Variants in KCTD1 observed in about 807,000 individuals in gnomAD.
KCTD1 encodes BTB/POZ domain-containing protein KCTD1.
Under a neutral mutation model 66.0 loss-of-function variants are expected in KCTD1, and 24 were observed. The observed-to-expected ratio is 0.36, with a 90% CI of 0.26 to 0.51. The LOEUF (loss-of-function observed/expected upper bound fraction) is 0.51, where lower values mean the gene tolerates loss of function less well. Among genes scored for constraint, KCTD1 ranks in the 20% least tolerant of loss-of-function variants. The pLI is 0.95. For missense variants in KCTD1, 943 were observed against 1,205.2 expected (o/e 0.78, Z 3.22); for synonymous variants, 511 against 517.2 (o/e 0.99, Z 0.16).
In KCTD1 at chr18:26,455,651, T is replaced by C; in HGVS notation, c.*92A>G. On this transcript the variant is annotated 3_prime_UTR_variant, in exon 5 of 5. Transcript: ENST00000580059. Reference sequence around the variant, plus strand: ...TTTATTCGATTTTACGTCCAGGACTTGGTTTGCTGTCCCAACTGCACATAA... The same window carrying C: ...TTTATTCGATTTTACGTCCAGGACTCGGTTTGCTGTCCCAACTGCACATAA... The C allele has an allele frequency of 4.6e-6, 7 of 1,527,416 alleles. No individual in the cohort carries two copies. Among genetic ancestry groups the C allele is most frequent in the Non-Finnish European group, 6.3e-6 (7 of 1,111,930 alleles). 94.6% of individuals were successfully genotyped at this position (1,527,416 alleles called of 1,614,324 possible).
intron 1 of KCTD1, among the ~76,000 whole-genome samples, chr18:26,594,008 T>C (rs1986709964): frequency 6.6e-6 from 1 of 152,118 alleles, no homozygotes; most frequent in Non-Finnish European, 1.5e-5. Flanking sequence ...TTAGAGGAAA[T>C]ACCCCAACCC....
chr18:26,558,922 C>CA (rs1337346792), intron 1 of KCTD1, among the ~76,000 whole-genome samples: 1 of 147,780 alleles, frequency 6.8e-6, no homozygotes, highest in African/African-American at 2.5e-5. Context: ...GACTCCGTCT[C>CA]AAAAAGAAGC....
upstream of KCTD1, among the ~76,000 whole-genome samples, chr18:26,550,519 G>A (rs1985513684): frequency 1.3e-5 from 2 of 150,504 alleles, no homozygotes; most frequent in South Asian, 4.2e-4. The surrounding 1 kb of genome is among the most constrained non-coding windows in gnomAD (Gnocchi z 5.4). Flanking sequence ...GCAAGTCCCT[G>A]CCTCGCGGGC....
chr18:26,454,985 A>G lies in KCTD1; in HGVS notation c.*758T>C, dbSNP rs1979971696. 1 of 152,686 alleles carries G rather than the reference A, an allele frequency of 6.5e-6. No homozygotes were observed. The highest frequency in any genetic ancestry group is 1.5e-5 in the Non-Finnish European group (1 of 68,050). The allele number at this position is 152,686 out of a possible 1,614,324, so 9.5% of individuals were successfully genotyped here. On this transcript the variant is annotated 3_prime_UTR_variant, in exon 5 of 5. Transcript: ENST00000580059. ...GTTTCACACAGACCTTATTTTTTAA[A>G]CAGAGTTTATTGTATTTAATACATT...
chr18:26,506,888 AGGCGTGGT>A (rs1983066488), intron 1 of KCTD1, among the ~76,000 whole-genome samples: 1 of 152,198 alleles, frequency 6.6e-6, no homozygotes, highest in Non-Finnish European at 1.5e-5. Flanking sequence ...AATTTAGGCC[AGGCGTGGT>A]GGCTCACGCC....
chr18:26,544,787 A>G (rs1367638860), intron 1 of KCTD1: 1 of 152,226 alleles, frequency 6.6e-6, no homozygotes. Flanking sequence ...ATAAGTGAAA[A>G]GCTGACTACT....
intron 1 of KCTD1, among the ~76,000 whole-genome samples, chr18:26,650,681 A>G (rs1988014217): frequency 6.6e-6 from 1 of 152,234 alleles, no homozygotes; most frequent in African/African-American, 2.4e-5. Context: ...GAGAAGGATC[A>G]GTACCATGGA....
chr18:26,481,519 C>G (rs1981647227), intron 2 of KCTD1, among the ~76,000 whole-genome samples: 1 of 152,132 alleles, frequency 6.6e-6, no homozygotes, highest in Non-Finnish European at 1.5e-5. Flanking sequence ...CGTAAAAAGC[C>G]ATGTGAGCCG....
At chr18:26,506,001 G>T (rs1043329665) in intron 1 of KCTD1, among the ~76,000 whole-genome samples, 8 of 151,524 alleles carry the variant, frequency 5.3e-5, no homozygotes, top group Non-Finnish European at 1.0e-4. Context: ...TCAGCCTCCC[G>T]AGTAGCTGGG....
intron 1 of KCTD1, 28 bp downstream of exon 1, chr18:26,546,700 T>C: frequency 1.3e-6 from 2 of 1,527,352 alleles, no homozygotes. Context: ...CAAAGAAACA[T>C]TTCATGCATA....
At chr18:26,535,214 A>AT (rs763874062) in intron 1 of KCTD1, among the ~76,000 whole-genome samples, 2 of 152,098 alleles carry the variant, frequency 1.3e-5, no homozygotes, top group Non-Finnish European at 2.9e-5. Flanking sequence ...CTTTATAGTC[A>AT]TTTTTATTGG....
chr18:26,581,237 T>C (rs529118212), intron 1 of KCTD1: 1 of 152,316 alleles, frequency 6.6e-6, no homozygotes, highest in Non-Finnish European at 1.5e-5. Flanking sequence ...TGCAGACCTG[T>C]GTCTGTTTTG....
At chr18:26,498,464 T>C (rs1040552423) in intron 2 of KCTD1, among the ~76,000 whole-genome samples, 1 of 149,720 alleles carries the variant, frequency 6.7e-6, no homozygotes, top group Non-Finnish European at 1.5e-5. Context: ...TGTAATTTTA[T>C]ATTATCTAGT....
At chr18:26,562,929 T>C (rs910665145) in intron 1 of KCTD1, among the ~76,000 whole-genome samples, 3 of 152,114 alleles carry the variant, frequency 2.0e-5, no homozygotes, top group Admixed American at 6.5e-5. Context: ...TATCTCCAAA[T>C]AGAGTCACAC....
chr18:26,602,884 C>T (rs1322835153), intron 1 of KCTD1, among the ~76,000 whole-genome samples: 3 of 152,170 alleles, frequency 2.0e-5, no homozygotes, highest in African/African-American at 7.2e-5. Context: ...TACTACAAAG[C>T]AACAGTAACC....
intron 1 of KCTD1, among the ~76,000 whole-genome samples, chr18:26,502,186 A>T (rs1982797764): frequency 6.6e-6 from 1 of 152,138 alleles, no homozygotes; most frequent in Admixed American, 6.5e-5. Context: ...AGTAGCTGGG[A>T]CTACAGGCGT....
At chr18:26,601,612 G>A (rs1167745450) in intron 1 of KCTD1, among the ~76,000 whole-genome samples, 1 of 152,154 alleles carries the variant, frequency 6.6e-6, no homozygotes, top group Non-Finnish European at 1.5e-5. Context: ...GGGGAGCACT[G>A]CCATCTTAAC....
At chr18:26,610,313 C>T (rs1987106134) in intron 1 of KCTD1, among the ~76,000 whole-genome samples, 1 of 152,122 alleles carries the variant, frequency 6.6e-6, no homozygotes, top group South Asian at 2.1e-4. Flanking sequence ...TGGCTCATGC[C>T]TGTAATCCCA....
At chr18:26,641,886 T>C (rs1445014907), upstream of KCTD1, among the ~76,000 whole-genome samples, 1 of 152,226 alleles carries the variant, frequency 6.6e-6, no homozygotes, top group East Asian at 1.9e-4. Context: ...TTCACTCATA[T>C]ACACATGCAT....
Sources: gnomAD v4.1 joint callset for allele counts (sites outside exome capture counted in the v4.1 genomes callset) on GRCh38, gnomAD v4.1.1 for gene constraint, Gnocchi (gnomAD v3.1) non-coding constraint, MANE v1.5 for transcripts, NCBI Gene and HGNC (gene_info 2026-07-23, HGNC 2026-07-21) for gene names.